Variants in SGMS1 observed in about 807,000 individuals in gnomAD.
SGMS1 encodes phosphatidylcholine:ceramide cholinephosphotransferase 1.
In SGMS1, 13 loss-of-function variants were observed where a neutral mutation model predicts 46.2. The observed-to-expected ratio is 0.28, with a 90% CI of 0.18 to 0.45. The LOEUF (loss-of-function observed/expected upper bound fraction) is 0.45, where lower values mean the gene tolerates loss of function less well. Among genes scored for constraint, SGMS1 ranks in the 20% least tolerant of loss-of-function variants. The pLI is 1.00. For synonymous variants in SGMS1, 203 were observed against 187.8 expected (o/e 1.08, Z -0.66); for missense variants, 324 against 519.9 (o/e 0.62, Z 3.66).
chr10:50,619,708 G>A (rs998682337), intron 1 of SGMS1, among the ~76,000 whole-genome samples: 3 of 152,200 alleles, frequency 2.0e-5, no homozygotes, highest in African/African-American at 4.8e-5. Flanking sequence ...CTGTCTGTAC[G>A]TATAATGGTT....
At chr10:50,527,841 G>C (rs1169518392) in intron 2 of SGMS1, among the ~76,000 whole-genome samples, 1 of 152,208 alleles carries the variant, frequency 6.6e-6, no homozygotes, top group Non-Finnish European at 1.5e-5. Context: ...AGAGGGCTAA[G>C]AATATGGGCT....
At chr10:50,397,149 A>T (rs10825882) in intron 6 of SGMS1, among the ~76,000 whole-genome samples, 25,145 of 152,202 alleles carry the variant, frequency 0.17, 2,555 homozygotes, top group East Asian at 0.26. Context: ...TGTAGTTGCT[A>T]GATTTAGAGA....
At chr10:50,396,929 T>G (rs917603229) in intron 6 of SGMS1, among the ~76,000 whole-genome samples, 5 of 152,154 alleles carry the variant, frequency 3.3e-5, no homozygotes, top group African/African-American at 1.2e-4. Context: ...GCGGTGTTAC[T>G]TGAAGATAAG....
chr10:50,405,740 T>C lies in SGMS1; in HGVS notation c.-232+27736A>G, dbSNP rs770109330. Among the ~76,000 whole-genome samples the C allele has an allele frequency of 4.6e-5, 7 of 152,226 alleles. No individual in the cohort carries two copies. In the South Asian group the frequency reaches 1.4e-3, roughly 31 times the overall value. ...AAATCCCAAATTGAATTATTTCACA[T>C]GCAACTATAATTCTAGGTTATGCTA... On this transcript the variant is annotated intron_variant, in intron 6 of 10. Coordinates refer to ENST00000361781, the MANE Select transcript of SGMS1 (RefSeq NM_147156.4).
intron 6 of SGMS1, among the ~76,000 whole-genome samples, chr10:50,410,551 T>C (rs1849081457): frequency 6.6e-6 from 1 of 152,180 alleles, no homozygotes; most frequent in Admixed American, 6.5e-5. Flanking sequence ...TTACATGAAG[T>C]GGCCAAATTA....
chr10:50,325,560 T>C (rs910780013), intron 8 of SGMS1, among the ~76,000 whole-genome samples: 3 of 152,204 alleles, frequency 2.0e-5, no homozygotes, highest in African/African-American at 7.2e-5. Context: ...AAGCTATTCT[T>C]AGGCAAAGAA....
chr10:50,522,312 C>T (rs1837863472), intron 2 of SGMS1, among the ~76,000 whole-genome samples: 6 of 151,798 alleles, frequency 4.0e-5, no homozygotes, highest in Admixed American at 3.9e-4. Flanking sequence ...ACTTTTATTC[C>T]CTTACTTTCT....
chr10:50,395,257 C>T (rs1311002956), intron 6 of SGMS1, among the ~76,000 whole-genome samples: 1 of 152,292 alleles, frequency 6.6e-6, no homozygotes, highest in South Asian at 2.1e-4. Context: ...AATCAAATCA[C>T]ACGAGTTGTT....
At chr10:50,487,568 A>G (rs2133732420) in intron 3 of SGMS1, among the ~76,000 whole-genome samples, 1 of 152,298 alleles carries the variant, frequency 6.6e-6, no homozygotes, top group African/African-American at 2.4e-5. Flanking sequence ...TATTTTGTAC[A>G]CGTTTTTTAT....
intron 2 of SGMS1, among the ~76,000 whole-genome samples, chr10:50,532,824 C>T (rs1837966714): frequency 6.6e-6 from 1 of 152,154 alleles, no homozygotes; most frequent in Admixed American, 6.5e-5. Flanking sequence ...TTTGGATTTC[C>T]CAGACTTTCT....
At chr10:50,561,263 A>G (rs934142461) in intron 2 of SGMS1, among the ~76,000 whole-genome samples, 1 of 152,128 alleles carries the variant, frequency 6.6e-6, no homozygotes, top group African/African-American at 2.4e-5. Flanking sequence ...GCATACATCA[A>G]CTCATTACAA....
intron 4 of SGMS1, among the ~76,000 whole-genome samples, chr10:50,464,164 T>C (rs150574039): frequency 2.0e-5 from 3 of 152,350 alleles, no homozygotes; most frequent in African/African-American, 4.8e-5. Context: ...TTATATTTTA[T>C]ATTATGTGTT....
chr10:50,447,283 T>C (rs1837030566), intron 5 of SGMS1, among the ~76,000 whole-genome samples: 1 of 152,154 alleles, frequency 6.6e-6, no homozygotes, highest in African/African-American at 2.4e-5. Flanking sequence ...AAGATGATAG[T>C]CACTAGAGAA....
intron 6 of SGMS1, among the ~76,000 whole-genome samples, chr10:50,359,373 C>G (rs1433198825): frequency 6.6e-6 from 1 of 152,136 alleles, no homozygotes; most frequent in African/African-American, 2.4e-5. Context: ...CCCCACCTCT[C>G]CCAAAATGAC....
intron 6 of SGMS1, among the ~76,000 whole-genome samples, chr10:50,353,279 T>A (rs1261379306): frequency 1.1e-3 from 163 of 152,384 alleles, no homozygotes; most frequent in Admixed American, 0.011. Context: ...CAAGGCTGGT[T>A]CAACATACGC....
chr10:50,390,680 T>G (rs1334156568), intron 6 of SGMS1, among the ~76,000 whole-genome samples: 3 of 152,210 alleles, frequency 2.0e-5, no homozygotes. Context: ...AATGTTCATG[T>G]CTAGATACTT....
intron 1 of SGMS1, chr10:50,623,505 G>C: frequency 2.2e-6 from 2 of 906,060 alleles, no homozygotes; most frequent in Non-Finnish European, 2.6e-6. Context: ...GGACCTCCCC[G>C]CTGTGACCAC....
Position 50,503,928 on chromosome 10 carries a change from T to C in SGMS1, c.-498+15903A>G, listed in dbSNP as rs559983647. ...GCAGATTATCAAGATCGTAGAAGTT[T>C]TGTACAGAGAAAAAATGAAGGCCAG... On this transcript the variant is annotated intron_variant, in intron 3 of 10. Transcript: ENST00000361781. Among the ~76,000 whole-genome samples the C allele has an allele frequency of 3.3e-5, 5 of 152,298 alleles. No homozygotes were observed. The South Asian group carries it at 1.0e-3, about 32-fold the overall frequency.
intron 1 of SGMS1, among the ~76,000 whole-genome samples, chr10:50,622,015 G>A (rs1838856231): frequency 6.6e-6 from 1 of 152,226 alleles, no homozygotes; most frequent in Non-Finnish European, 1.5e-5. Context: ...TAAGACAAGT[G>A]AGCTGCCACA....
Sources: gnomAD v4.1 joint callset for allele counts (sites outside exome capture counted in the v4.1 genomes callset) on GRCh38, gnomAD v4.1.1 for gene constraint, MANE v1.5 for transcripts, NCBI Gene and HGNC (gene_info 2026-07-23, HGNC 2026-07-21) for gene names.